TBC1D30: variants seen among roughly 807,000 people sequenced by gnomAD.
TBC1D30 encodes TBC1 domain family member 30, also known as TBC1 domain family, member 30.
Under a neutral mutation model 63.2 loss-of-function variants are expected in TBC1D30, and 31 were observed. The observed-to-expected ratio is 0.49, with a 90% confidence interval of 0.37 to 0.66. The LOEUF is 0.66. Ranked by LOEUF, TBC1D30 falls within the 30% of genes least tolerant of loss-of-function variation. The pLI, the probability that TBC1D30 is intolerant of heterozygous loss-of-function variation, is 0.00. For synonymous variants in TBC1D30, 307 were observed against 361.5 expected, an observed-to-expected ratio of 0.85 and a Z score of 1.71; for missense variants, 810 against 953.6, an observed-to-expected ratio of 0.85 and a Z score of 1.98.
At chr12:64,830,549 T>C in intron 4 of TBC1D30, 47 bp downstream of exon 4, 1 of 1,468,294 alleles carries the variant, frequency 6.8e-7, no homozygotes, top group Non-Finnish European at 9.1e-7. Flanking sequence ...GAAGAAAGAC[T>C]CTAAAAGCCA....
chr12:64,803,160 T>C lies in TBC1D30; in HGVS notation c.643+17115T>C, dbSNP rs576931603. Among the ~76,000 whole-genome samples, 1,312 of 152,322 alleles carry C rather than the reference T, an allele frequency of 8.6e-3. 20 individuals are homozygous for C. The highest frequency in any genetic ancestry group is 0.03 in the African/African-American group (1,242 of 41,566). On this transcript the variant is annotated intron_variant, in intron 2 of 12. Transcript: ENST00000542120. Reference sequence around the variant, plus strand: ...TCTCCCCATCCTCTCTAGCACCTGTTGTTTCCTGACTTTTTAATGATCGCC... The same window carrying C: ...TCTCCCCATCCTCTCTAGCACCTGTCGTTTCCTGACTTTTTAATGATCGCC...
exon 1 of TBC1D30, chr12:64,781,150 C>A: frequency 9.8e-7 from 1 of 1,017,184 alleles, no homozygotes; most frequent in Non-Finnish European, 1.2e-6. Context: ...GCCGCGACAG[C>A]CTCGACAGCT....
At chr12:64,783,879 A>G (rs1382307393) in intron 1 of TBC1D30, among the ~76,000 whole-genome samples, 1 of 1,474 alleles carries the variant, frequency 6.8e-4, no homozygotes, top group Non-Finnish European at 2.7e-3. Flanking sequence ...GCTGGTCTCA[A>G]ACTCCTGACC....
intron 1 of TBC1D30, among the ~76,000 whole-genome samples, chr12:64,771,340 G>A (rs1870899307): frequency 6.6e-6 from 1 of 152,070 alleles, no homozygotes; most frequent in Non-Finnish European, 1.5e-5. Flanking sequence ...CTAGTGTACT[G>A]AGCCCAGATC....
chr12:64,761,231 A>G (rs1279776425), intron 1 of TBC1D30, among the ~76,000 whole-genome samples: 2 of 152,236 alleles, frequency 1.3e-5, no homozygotes, highest in African/African-American at 4.8e-5. Context: ...ATCTGTATCG[A>G]AGCCCCAAAT....
chr12:64,774,606 C>G (rs565817274), intron 1 of TBC1D30, among the ~76,000 whole-genome samples: 1 of 152,142 alleles, frequency 6.6e-6, no homozygotes, highest in Non-Finnish European at 1.5e-5. Flanking sequence ...AGAGGAAAAC[C>G]TATAAGCCAG....
chr12:64,863,585 G>T (rs1470732994), intron 8 of TBC1D30, among the ~76,000 whole-genome samples: 4 of 152,212 alleles, frequency 2.6e-5, no homozygotes, highest in African/African-American at 9.7e-5. Context: ...CTACTTGTTT[G>T]GAATCTTGGG....
At chr12:64,807,053 G>A (rs1872911898) in intron 2 of TBC1D30, among the ~76,000 whole-genome samples, 3 of 152,286 alleles carry the variant, frequency 2.0e-5, no homozygotes, top group South Asian at 4.1e-4. Context: ...TGGTTTGGCT[G>A]TGTCCCCACC....
chr12:64,826,657 G>A (rs910846741), intron 1 of TBC1D30, among the ~76,000 whole-genome samples: 1 of 151,978 alleles, frequency 6.6e-6, no homozygotes, highest in Non-Finnish European at 1.5e-5. Context: ...GATCCATGTG[G>A]TACTTAATAT....
chr12:64,823,233 AAT>A (rs1409593411), upstream of TBC1D30, among the ~76,000 whole-genome samples: 1 of 152,198 alleles, frequency 6.6e-6, no homozygotes, highest in Non-Finnish European at 1.5e-5. Flanking sequence ...AAGAAATATG[AAT>A]ATTATTAATA....
chr12:64,860,729 A>G (rs1331598125), intron 8 of TBC1D30, among the ~76,000 whole-genome samples: 1 of 152,202 alleles, frequency 6.6e-6, no homozygotes, highest in African/African-American at 2.4e-5. Context: ...AAACTTAAAG[A>G]TCAGTTAAGC....
chr12:64,869,792 G>A (rs935369158), intron 10 of TBC1D30, among the ~76,000 whole-genome samples: 11 of 152,078 alleles, frequency 7.2e-5, no homozygotes, highest in African/African-American at 2.7e-4. Context: ...ATGAATTTCT[G>A]AGATGTTTAG....
intron 1 of TBC1D30, among the ~76,000 whole-genome samples, chr12:64,760,148 C>T (rs1357816564): frequency 6.6e-6 from 1 of 152,082 alleles, no homozygotes; most frequent in East Asian, 1.9e-4. Flanking sequence ...ATGTGCAGAT[C>T]GAACAAAAAT....
intron 4 of TBC1D30, 69 bp downstream of exon 4, chr12:64,830,571 G>A (rs755278899): frequency 3.7e-6 from 5 of 1,346,614 alleles, no homozygotes; most frequent in Non-Finnish European, 4.9e-6. Flanking sequence ...TTGCTTTTTG[G>A]ACAGAGGATC....
upstream of TBC1D30, among the ~76,000 whole-genome samples, chr12:64,777,726 T>C (rs1290025641): frequency 2.0e-5 from 3 of 152,338 alleles, no homozygotes; most frequent in South Asian, 4.1e-4. Flanking sequence ...TAAACTACCA[T>C]TGACATTCTC....
Position 64,759,518 on chromosome 12 carries a change from G to A in TBC1D30, c.-507G>A, listed in dbSNP as rs567543882. On this transcript the variant is annotated 5_prime_UTR_variant, in exon 1 of 14. Coordinates refer to the TBC1D30 transcript ENST00000674237. ...TGCGGACTGGCGCAGCCTGGAGGGA[G>A]GCATCAGGCAGTGGCGGAAAAGGGG... The A allele has an allele frequency of 7.0e-5, 35 of 499,176 alleles. 1 individual carries two copies. The South Asian group carries it at 1.0e-3, about 15-fold the overall frequency. The allele number at this position is 499,176 out of a possible 1,614,324, so 30.9% of individuals were successfully genotyped here. A position where few individuals can be genotyped will look rare whatever the true frequency, so the allele number is the denominator to read the frequency against.
intron 2 of TBC1D30, among the ~76,000 whole-genome samples, chr12:64,813,247 G>A (rs1183840478): frequency 3.3e-5 from 5 of 152,030 alleles, no homozygotes; most frequent in Non-Finnish European, 7.4e-5. Flanking sequence ...AAAATTAGCC[G>A]GATGTGGTGG....
chr12:64,869,119 G>C (rs1221265881), intron 10 of TBC1D30, among the ~76,000 whole-genome samples: 3 of 152,014 alleles, frequency 2.0e-5, no homozygotes, highest in African/African-American at 7.2e-5. Flanking sequence ...ACCTCTTCTA[G>C]TTTGAAGACC....
At chr12:64,838,483 T>C (rs540773422) in intron 6 of TBC1D30, among the ~76,000 whole-genome samples, 200 bp from the exon 7 acceptor site, 11 of 152,344 alleles carry the variant, frequency 7.2e-5, no homozygotes, top group African/African-American at 2.2e-4. Flanking sequence ...TAAATATTTT[T>C]TGAAGTTCAT....
Sources: allele counts gnomAD v4.1 joint callset (sites outside exome capture counted in the v4.1 genomes callset), GRCh38; gene constraint gnomAD v4.1.1; transcripts MANE v1.5; gene names NCBI Gene and HGNC (gene_info 2026-07-23, HGNC 2026-07-21).